Variants in TMEM213 observed in about 807,000 individuals in gnomAD.
TMEM213 encodes the protein transmembrane protein 213.
TMEM213 carries 7 observed loss-of-function variants against 11.6 expected under a neutral mutation model. The observed-to-expected ratio is 0.60, with a 90% confidence interval of 0.34 to 1.13. The LOEUF (loss-of-function observed/expected upper bound fraction) is 1.13, where lower values mean the gene tolerates loss of function less well. Among genes scored for constraint, TMEM213 ranks in the 50% most tolerant of loss-of-function variants. The pLI is 0.03. For synonymous variants in TMEM213, 60 were observed against 58.3 expected (o/e 1.03, Z -0.13); for missense variants, 129 against 139.0 (o/e 0.93, Z 0.36).
rs540596170 is a variant in TMEM213 at position 138,803,102 on chromosome 7, C to T, written c.*33C>T. 1 of 1,603,724 alleles carries T rather than the reference C, an allele frequency of 6.2e-7. No homozygotes were observed. Among genetic ancestry groups the T allele is most frequent in the Non-Finnish European group, 8.5e-7 (1 of 1,176,840 alleles). ...GCTCGGTGCACAAAATGGTGATCGC[C>T]ACCAATTTGTGGCTAATGGGGAAGG... On this transcript the variant is annotated 3_prime_UTR_variant, in exon 3 of 3. Coordinates refer to ENST00000442682, the MANE Select transcript of TMEM213 (RefSeq NM_001085429.2).
chr7:138,805,469 T>A lies in TMEM213; in HGVS notation c.*2400T>A, dbSNP rs190842603. 1.3e-5 allele frequency: 2 copies of A among 152,110 alleles called. No homozygotes were observed. The highest frequency in any genetic ancestry group is 1.9e-4 in the East Asian group (1 of 5,172). The allele number at this position is 152,110 out of a possible 1,614,324, so 9.4% of individuals were successfully genotyped here. A position where few individuals can be genotyped will look rare whatever the true frequency, so the allele number is the denominator to read the frequency against. ...ATATACAATATGAGTATGTGTTCCA[T>A]GTTTTCAGAAATTCAAAGGAAGCGT... is the stretch of plus-strand genomic sequence containing the variant. On this transcript the variant is annotated 3_prime_UTR_variant, in exon 3 of 3. Transcript: ENST00000442682.
At chr7:138,802,827 A>G in intron 2 of TMEM213, 73 bp from the exon 3 acceptor site, 1 of 1,437,908 alleles carries the variant, frequency 7.0e-7, no homozygotes, top group Non-Finnish European at 9.3e-7. Context: ...TTGTTCTGTT[A>G]ATATTAATGG....
In TMEM213 at chr7:138,798,064, G is replaced by T; in HGVS notation, c.-41G>T. On this transcript the variant is annotated 5_prime_UTR_variant, in exon 1 of 3. Coordinates refer to ENST00000442682, the MANE Select transcript of TMEM213 (RefSeq NM_001085429.2). ...GCAGGCACTCGGCACAACTCCGCAG[G>T]ACCGGCTCACCTGCACCGGGCACTC... is the stretch of plus-strand genomic sequence containing the variant. 6.4e-7 allele frequency: 1 copy of T among 1,568,586 alleles called. No homozygotes were observed. The highest frequency in any genetic ancestry group is 1.2e-5 in the South Asian group (1 of 85,200).
Position 138,803,145 on chromosome 7 carries a change from G to T in TMEM213, c.*76G>T. On this transcript the variant is annotated 3_prime_UTR_variant, in exon 3 of 3. Transcript: ENST00000442682. ...GGGGAAGGGGAGTAAGGCTAACATG[G>T]TTTCTATTATTTAAGTCATTTTCAC... 1.3e-6 allele frequency: 2 copies of T among 1,491,378 alleles called. No individual in the cohort carries two copies. Among genetic ancestry groups the T allele is most frequent in the Non-Finnish European group, 1.8e-6 (2 of 1,104,238 alleles). The allele number at this position is 1,491,378 out of a possible 1,614,324, so 92.4% of individuals were successfully genotyped here. A position where few individuals can be genotyped will look rare whatever the true frequency, so the allele number is the denominator to read the frequency against.
rs1359522567 is a variant in TMEM213, at chr7:138,806,558, C to CA, written c.*3490dup. Reference sequence around the variant, plus strand: ...AAGAAAATCTGAAAGGGAAAGCAGGCATCAACTTCCAGGGATCTAATAACT... The same window carrying CA: ...AAGAAAATCTGAAAGGGAAAGCAGGCAATCAACTTCCAGGGATCTAATAACT... On this transcript the variant is annotated 3_prime_UTR_variant, in exon 3 of 3. Coordinates refer to ENST00000442682, the MANE Select transcript of TMEM213 (RefSeq NM_001085429.2). 6.6e-6 allele frequency: 1 copy of CA among 152,014 alleles called. No individual in the cohort carries two copies. The highest frequency in any genetic ancestry group is 1.5e-5 in the Non-Finnish European group (1 of 67,994). The allele number at this position is 152,014 out of a possible 1,614,324, so 9.4% of individuals were successfully genotyped here. A position where few individuals can be genotyped will look rare whatever the true frequency, so the allele number is the denominator to read the frequency against.
At chr7:138,802,789 C>T in intron 2 of TMEM213, 111 bp from the exon 3 acceptor site, 1 of 1,167,232 alleles carries the variant, frequency 8.6e-7, no homozygotes, top group East Asian at 2.6e-5. Flanking sequence ...CGTAGTAGGC[C>T]TCATCAGTGT....
At chr7:138,801,744 G>T in intron 2 of TMEM213, 1 of 298,882 alleles carries the variant, frequency 3.3e-6, no homozygotes, top group Admixed American at 4.5e-5. Context: ...CAACAGCTTG[G>T]TTTTGGCGTC....
In TMEM213 at chr7:138,802,956, G is replaced by C; in HGVS notation, c.211G>C (p.Gly71Arg). Residue 71 changes from glycine (G) to arginine (R), a missense_variant, in exon 3 of 3, where the codon GGC becomes CGC. By Grantham distance (125) the Gly-to-Arg change is moderately radical. Transcript: ENST00000442682. ...RCCRTGVDEY[G>R]WIAAAVGWSL... ...CTGCCGCACAGGAGTGGACGAGTAC[G>C]GCTGGATCGCGGCAGCTGTTGGCTG... 1 of 1,612,368 alleles carries C rather than the reference G, an allele frequency of 6.2e-7. No individual in the cohort carries two copies. The highest frequency in any genetic ancestry group is 1.3e-5 in the African/African-American group (1 of 75,046).
intron 1 of TMEM213, 76 bp downstream of exon 1, chr7:138,798,262 A>C: frequency 1.6e-6 from 2 of 1,281,046 alleles, no homozygotes; most frequent in African/African-American, 1.5e-5. Context: ...GAGGGAAAGA[A>C]GGAGGAGGGG....
chr7:138,802,771 G>GT, intron 2 of TMEM213, 129 bp from the exon 3 acceptor site: 1 of 952,276 alleles, frequency 1.1e-6, no homozygotes, highest in African/African-American at 1.7e-5. Context: ...GCAGCACAGT[G>GT]CATGGCACGT....
chr7:138,803,261 A>T lies in TMEM213; in HGVS notation c.*192A>T. On this transcript the variant is annotated 3_prime_UTR_variant, in exon 3 of 3. Transcript: ENST00000442682. ...AGTGCTGCCCTTGCATGTCACTCCC[A>T]AGGGCCCCTGGGCTGTGCCCAGGTA... is the stretch of plus-strand genomic sequence containing the variant. The T allele has an allele frequency of 1.5e-6, 1 of 676,464 alleles. No individual in the cohort carries two copies. Among genetic ancestry groups the T allele is most frequent in the Non-Finnish European group, 2.4e-6 (1 of 416,778 alleles). 41.9% of individuals were successfully genotyped at this position (676,464 alleles called of 1,614,324 possible).
Position 138,803,393 on chromosome 7 carries a change from A to C in TMEM213, c.*324A>C. The C allele has an allele frequency of 3.7e-6, 1 of 269,642 alleles. No individual in the cohort carries two copies. Among genetic ancestry groups the C allele is most frequent in the Non-Finnish European group, 7.1e-6 (1 of 141,406 alleles). The allele number at this position is 269,642 out of a possible 1,614,324, so 16.7% of individuals were successfully genotyped here. A position where few individuals can be genotyped will look rare whatever the true frequency, so the allele number is the denominator to read the frequency against. ...TATAAGACTTAGTCTCATCATCAAC[A>C]TTTTCAGAAGCAAGTGCATAACCTT... On this transcript the variant is annotated 3_prime_UTR_variant, in exon 3 of 3. Transcript: ENST00000442682.
chr7:138,800,700 TCTTC>T (rs1357049065), intron 1 of TMEM213, among the ~76,000 whole-genome samples: 4 of 90,198 alleles, frequency 4.4e-5, no homozygotes, highest in Non-Finnish European at 7.0e-5. Flanking sequence ...TTCTTCTTCT[TCTTC>T]TTTTTTTTTT....
Position 138,802,917 on chromosome 7 carries a change from C to T in TMEM213, c.172C>T (p.Gln58Ter). 6.3e-7 allele frequency: 1 copy of T among 1,582,812 alleles called. No individual in the cohort carries two copies. The highest frequency in any genetic ancestry group is 1.4e-5 in the African/African-American group (1 of 74,062). ...CCCACCAGACGTGGACTTCTGCCCACAAGCAGCCCGGTGCTGCCGCACAGG... is the reference window on the plus strand; with the variant it reads ...CCCACCAGACGTGGACTTCTGCCCATAAGCAGCCCGGTGCTGCCGCACAGG... ...EQCLNVDFCP[Q>*]AARCCRTGVD... is the part of the protein sequence containing the mutation. Residue 58 changes from glutamine (Q) to a stop codon, truncating the protein, a stop_gained, in exon 3 of 3, where the codon CAA becomes TAA. Coordinates refer to ENST00000442682, the MANE Select transcript of TMEM213 (RefSeq NM_001085429.2). LOFTEE classifies it high-confidence loss of function.
chr7:138,800,539 C>T (rs978039247), intron 1 of TMEM213, among the ~76,000 whole-genome samples: 2 of 152,124 alleles, frequency 1.3e-5, no homozygotes, highest in African/African-American at 4.8e-5. Flanking sequence ...TGACAGCCAT[C>T]ATTCTGGAGG....
At chr7:138,799,582 C>G (rs1189744587) in intron 1 of TMEM213, 1 of 152,218 alleles carries the variant, frequency 6.6e-6, no homozygotes, top group African/African-American at 2.4e-5. Context: ...AAGCTCGAAC[C>G]TAACCCTAGC....
In TMEM213 at chr7:138,805,456, A is replaced by C. The variant is rs1232176214; in HGVS notation, c.*2387A>C. ...GTGCATTTTGTGGATATACAATATG[A>C]GTATGTGTTCCATGTTTTCAGAAAT... On this transcript the variant is annotated 3_prime_UTR_variant, in exon 3 of 3. Coordinates refer to ENST00000442682, the MANE Select transcript of TMEM213 (RefSeq NM_001085429.2). 1 of 151,958 alleles carries C rather than the reference A, an allele frequency of 6.6e-6. No homozygotes were observed. Among genetic ancestry groups the C allele is most frequent in the Non-Finnish European group, 1.5e-5 (1 of 67,998 alleles). 9.4% of individuals were successfully genotyped at this position (151,958 alleles called of 1,614,324 possible).
Position 138,804,489 on chromosome 7 carries a change from G to A in TMEM213, c.*1420G>A, listed in dbSNP as rs1563032080. 6.6e-6 allele frequency: 1 copy of A among 152,226 alleles called. No individual in the cohort carries two copies. Among genetic ancestry groups the A allele is most frequent in the African/African-American group, 2.4e-5 (1 of 41,448 alleles). The allele number at this position is 152,226 out of a possible 1,614,324, so 9.4% of individuals were successfully genotyped here. A position where few individuals can be genotyped will look rare whatever the true frequency, so the allele number is the denominator to read the frequency against. ...CCTGGTCATCCTTGGGTGACCTGGA[G>A]CTGGTGCTGTTAGAGCACTTCTGCT... On this transcript the variant is annotated 3_prime_UTR_variant, in exon 3 of 3. Transcript: ENST00000442682.
At chr7:138,801,549 T>C (rs1259163144) in intron 2 of TMEM213, 151 bp downstream of exon 2, 4 of 709,670 alleles carry the variant, frequency 5.6e-6, no homozygotes, top group East Asian at 5.4e-5. Context: ...CCCAGAACTA[T>C]TTGCAGAGCA....
Sources: allele counts gnomAD v4.1 joint callset (sites outside exome capture counted in the v4.1 genomes callset), GRCh38; gene constraint gnomAD v4.1.1; transcripts MANE v1.5; gene names NCBI Gene and HGNC (gene_info 2026-07-23, HGNC 2026-07-21).